Variants in HMGCLL1 observed in about 807,000 individuals in gnomAD.
HMGCLL1 encodes 3-hydroxymethyl-3-methylglutaryl-CoA lyase, cytoplasmic.
HMGCLL1 carries 36 observed loss-of-function variants against 39.1 expected under a neutral mutation model. The ratio of observed to expected loss-of-function variants is 0.92; its 90% CI spans 0.71 to 1.22. HMGCLL1 has a LOEUF of 1.22. Among genes scored for constraint, HMGCLL1 ranks in the 50% most tolerant of loss-of-function variants. HMGCLL1 has a pLI of 0.00. For synonymous variants in HMGCLL1, 149 were observed against 144.0 expected (o/e 1.03, Z -0.25); for missense variants, 451 against 416.5 (o/e 1.08, Z -0.72).
chr6:55,652,665 C>G, the HMGCLL1 span, among the ~76,000 whole-genome samples: 1 of 152,072 alleles, frequency 6.6e-6, no homozygotes, highest in Non-Finnish European at 1.5e-5. Flanking sequence ...TCCTGTTTCA[C>G]AGAACTTGAA....
intron 3 of HMGCLL1, among the ~76,000 whole-genome samples, chr6:55,528,899 G>A (rs1168130461): frequency 2.0e-5 from 3 of 151,868 alleles, no homozygotes; most frequent in Non-Finnish European, 4.4e-5. Flanking sequence ...GTAAATGCAG[G>A]CAAGACATTT....
chr6:55,622,998 T>G, the HMGCLL1 span, among the ~76,000 whole-genome samples: 7 of 152,230 alleles, frequency 4.6e-5, no homozygotes, highest in Non-Finnish European at 1.0e-4. Context: ...GTAGGTTGTA[T>G]ATGTCTAGGA....
At chr6:55,637,714 A>ATG in the HMGCLL1 span, among the ~76,000 whole-genome samples, 72,885 of 148,464 alleles carry the variant, frequency 0.49, 17,867 homozygotes, top group Middle Eastern at 0.63. Flanking sequence ...ATAATTTGAT[A>ATG]TGTGTGTGTG....
the HMGCLL1 span, among the ~76,000 whole-genome samples, chr6:55,677,459 T>C: frequency 0.15 from 22,971 of 152,234 alleles, 2,050 homozygotes; most frequent in Non-Finnish European, 0.2. Context: ...AGAAATTTAC[T>C]TCATTACAAT....
chr6:55,474,131 A>G (rs1475458041), intron 7 of HMGCLL1, among the ~76,000 whole-genome samples: 1 of 151,392 alleles, frequency 6.6e-6, no homozygotes, highest in African/African-American at 2.4e-5. Flanking sequence ...AGCTTCCCGG[A>G]TCTATGGGTT....
the HMGCLL1 span, among the ~76,000 whole-genome samples, chr6:55,587,178 T>A: frequency 6.6e-6 from 1 of 152,184 alleles, no homozygotes; most frequent in South Asian, 2.1e-4. Context: ...GTCTTTTGGC[T>A]GCATAAATGT....
At chr6:55,535,234 A>G (rs777119135) in intron 3 of HMGCLL1, among the ~76,000 whole-genome samples, 61 of 152,242 alleles carry the variant, frequency 4.0e-4, no homozygotes, top group Non-Finnish European at 7.5e-4. Context: ...GTTGAAAAAC[A>G]GAACGAGCCT....
the HMGCLL1 span, among the ~76,000 whole-genome samples, chr6:55,627,898 T>TATATATAC: frequency 3.1e-5 from 1 of 32,368 alleles, no homozygotes; most frequent in Non-Finnish European, 5.0e-5. Context: ...TATATATATA[T>TATATATAC]AGTATATATA....
In HMGCLL1 at chr6:55,495,448, C is replaced by T; in HGVS notation, c.766G>A (p.Ala256Thr). The change falls in exon 7 of 9, where the codon GCC becomes ACC. Residue 256 changes from alanine to threonine, a missense_variant. Transcript: ENST00000274901. ...AVHCHDTYGQ[A>T]LANILTALQM... ...AGGGCCGTAAGGATATTTGCTAAGG[C>T]TTGTCCGTATGTGTCATGACAGTGA... The T allele has an allele frequency of 1.2e-6, 2 of 1,613,870 alleles. No individual in the cohort carries two copies. The highest frequency in any genetic ancestry group is 1.7e-6 in the Non-Finnish European group (2 of 1,179,894).
At chr6:55,645,500 G>T in the HMGCLL1 span, among the ~76,000 whole-genome samples, 1 of 151,914 alleles carries the variant, frequency 6.6e-6, no homozygotes, top group Non-Finnish European at 1.5e-5. Context: ...AAGGCTTTCA[G>T]TTTTTTCTCA....
intron 7 of HMGCLL1, among the ~76,000 whole-genome samples, chr6:55,441,305 GC>G (rs1763589175): frequency 6.6e-6 from 1 of 152,082 alleles, no homozygotes; most frequent in Non-Finnish European, 1.5e-5. Flanking sequence ...ATCAGATCGG[GC>G]ATTTGGATAT....
At chr6:55,477,280 A>ATT (rs1765419764) in intron 7 of HMGCLL1, among the ~76,000 whole-genome samples, 1 of 20,634 alleles carries the variant, frequency 4.8e-5, no homozygotes, top group African/African-American at 4.5e-4. Context: ...TATATATTAT[A>ATT]TATTATATAT....
At chr6:55,650,073 A>ATG in the HMGCLL1 span, among the ~76,000 whole-genome samples, 1 of 109,336 alleles carries the variant, frequency 9.1e-6, no homozygotes, top group South Asian at 3.0e-4. Context: ...ATATATATAT[A>ATG]TATACACACA....
chr6:55,642,361 C>A, the HMGCLL1 span, among the ~76,000 whole-genome samples: 1 of 151,796 alleles, frequency 6.6e-6, no homozygotes, highest in East Asian at 1.9e-4. Flanking sequence ...TAATGCCGCA[C>A]TTAATCAGAA....
chr6:55,542,086 G>T lies in HMGCLL1; in HGVS notation c.163C>A (p.Pro55Thr). The change falls in exon 2 of 9, where the codon CCT becomes ACT. Residue 55 changes from proline to threonine, a missense_variant. Pro to Thr is a conservative substitution (Grantham distance 38). Transcript: ENST00000274901. ...TTTTCATTCTGCAATCCATCCCTAG[G>T]CCCAACTTCTACTATTTTAACAAAC... ...PEFVKIVEVG[P>T]RDGLQNEKVI... The T allele has an allele frequency of 6.2e-7, 1 of 1,609,264 alleles. No homozygotes were observed. The highest frequency in any genetic ancestry group is 8.5e-7 in the Non-Finnish European group (1 of 1,176,672).
At chr6:55,560,299 G>T (rs1344283533) in intron 1 of HMGCLL1, among the ~76,000 whole-genome samples, 1 of 152,140 alleles carries the variant, frequency 6.6e-6, no homozygotes, top group African/African-American at 2.4e-5. Context: ...TGTAATAGCA[G>T]GATGTCTTTG....
the HMGCLL1 span, among the ~76,000 whole-genome samples, chr6:55,649,269 T>C: frequency 5.3e-5 from 8 of 152,120 alleles, no homozygotes; most frequent in East Asian, 9.6e-4. Context: ...AGGACAGATC[T>C]GGTGTTAATG....
At chr6:55,599,110 T>C in the HMGCLL1 span, among the ~76,000 whole-genome samples, 1 of 151,942 alleles carries the variant, frequency 6.6e-6, no homozygotes, top group African/African-American at 2.4e-5. Context: ...CCAGGGCCTG[T>C]CGGGGGTTGC....
At chr6:55,553,080 T>A (rs1184320234) in intron 1 of HMGCLL1, among the ~76,000 whole-genome samples, 1 of 149,696 alleles carries the variant, frequency 6.7e-6, no homozygotes, top group African/African-American at 2.5e-5. Context: ...GAGGAGAAGA[T>A]TGCAGTGAGC....
Sources: allele counts gnomAD v4.1 joint callset (sites outside exome capture counted in the v4.1 genomes callset), GRCh38; gene constraint gnomAD v4.1.1; transcripts MANE v1.5; gene names NCBI Gene and HGNC (gene_info 2026-07-23, HGNC 2026-07-21).